Variants in RBMS3 observed in about 807,000 individuals in gnomAD.
The protein encoded by RBMS3 is RNA binding motif single stranded interacting protein 3.
Under a neutral mutation model 66.8 loss-of-function variants are expected in RBMS3, and 27 were observed. The observed-to-expected ratio is 0.40, with a 90% CI of 0.30 to 0.56. The LOEUF (loss-of-function observed/expected upper bound fraction) is 0.56. RBMS3 is among the 20% of genes least tolerant of loss of function. The probability of loss-of-function intolerance (pLI) is 0.40; values close to 1 mark genes in which losing one functional copy is unlikely to be tolerated. For synonymous variants in RBMS3, 188 were observed against 183.0 expected, an observed-to-expected ratio of 1.03 and a Z score of -0.22; for missense variants, 513 against 549.5, an observed-to-expected ratio of 0.93 and a Z score of 0.66.
chr3:29,483,265 C>T (rs1391380542), intron 2 of RBMS3, among the ~76,000 whole-genome samples: 1 of 143,314 alleles, frequency 7.0e-6, no homozygotes, highest in Non-Finnish European at 1.5e-5. Context: ...GCCGAGATCG[C>T]GTCACTGCAC....
intron 1 of RBMS3, among the ~76,000 whole-genome samples, chr3:29,371,568 TTTG>T (rs751854792): frequency 6.6e-6 from 1 of 152,180 alleles, no homozygotes; most frequent in Non-Finnish European, 1.5e-5. Flanking sequence ...AGTGATAGTG[TTTG>T]TTGTTTATAT....
chr3:29,365,542 C>T (rs993017518), intron 1 of RBMS3, among the ~76,000 whole-genome samples: 27 of 151,642 alleles, frequency 1.8e-4, no homozygotes, highest in African/African-American at 6.0e-4. Flanking sequence ...TTTCAAACTA[C>T]AATGAACATG....
intron 5 of RBMS3, among the ~76,000 whole-genome samples, chr3:29,751,834 G>C (rs1160956915): frequency 6.6e-6 from 1 of 152,198 alleles, no homozygotes; most frequent in South Asian, 2.1e-4. Context: ...ACGCAGGTGA[G>C]CTGGTGCAGG....
At chr3:29,380,787 A>C (rs913726210) in intron 1 of RBMS3, among the ~76,000 whole-genome samples, 2 of 152,216 alleles carry the variant, frequency 1.3e-5, no homozygotes, top group Non-Finnish European at 2.9e-5. Flanking sequence ...AACTGGAAGT[A>C]AATGTGTGAT....
At chr3:29,769,095 A>G (rs1357964327) in intron 6 of RBMS3, among the ~76,000 whole-genome samples, 1 of 151,924 alleles carries the variant, frequency 6.6e-6, no homozygotes, top group African/African-American at 2.4e-5. Context: ...AAGAGCAGAG[A>G]TTATAAATCC....
chr3:29,361,897 A>G (rs984698352), intron 1 of RBMS3, among the ~76,000 whole-genome samples: 3 of 152,196 alleles, frequency 2.0e-5, no homozygotes. Context: ...TTTCAGCTCC[A>G]TCAGGTCCTT....
rs188599144 is a variant in RBMS3, at chr3:29,502,501, C to T, written c.307+14002C>T. Among the ~76,000 whole-genome samples, 177 of 152,166 alleles carry T rather than the reference C, an allele frequency of 1.2e-3. 1 individual carries two copies. Among genetic ancestry groups the T allele is most frequent in the African/African-American group, 4.1e-3 (172 of 41,538 alleles). Reference sequence around the variant, plus strand: ...ATAAAGGCAGACAATTTGATAGAAACATGTAGTAGTTCTTATTCTCCCACT... The same window carrying T: ...ATAAAGGCAGACAATTTGATAGAAATATGTAGTAGTTCTTATTCTCCCACT... On this transcript the variant is annotated intron_variant, in intron 3 of 14. Coordinates refer to ENST00000383767, the MANE Select transcript of RBMS3 (RefSeq NM_001003793.3).
At chr3:29,534,004 A>G (rs563309639) in intron 3 of RBMS3, among the ~76,000 whole-genome samples, 6 of 152,318 alleles carry the variant, frequency 3.9e-5, no homozygotes, top group African/African-American at 1.4e-4. Flanking sequence ...GTTCATGGAA[A>G]TGTAAACACA....
intron 6 of RBMS3, among the ~76,000 whole-genome samples, chr3:29,793,468 T>C (rs1230268802): frequency 6.6e-6 from 1 of 152,208 alleles, no homozygotes; most frequent in Non-Finnish European, 1.5e-5. Context: ...TGTCACATTT[T>C]CTATTGCTAA....
intron 4 of RBMS3, among the ~76,000 whole-genome samples, chr3:29,615,744 C>T (rs1468726826): frequency 2.6e-5 from 4 of 152,022 alleles, no homozygotes; most frequent in Non-Finnish European, 4.4e-5. Flanking sequence ...TTTTGAATTC[C>T]ATTTCCTAAG....
At chr3:29,503,329 T>C (rs544213875) in intron 3 of RBMS3, among the ~76,000 whole-genome samples, 10 of 152,222 alleles carry the variant, frequency 6.6e-5, no homozygotes, top group Non-Finnish European at 1.5e-4. Context: ...CTCTAATTCT[T>C]ACCGAGATTT....
intron 4 of RBMS3, among the ~76,000 whole-genome samples, chr3:29,630,957 C>T (rs1389200907): frequency 6.6e-6 from 1 of 151,862 alleles, no homozygotes; most frequent in Non-Finnish European, 1.5e-5. Context: ...AAAACCATAA[C>T]TTCACTCTTA....
rs371967364 is a variant in RBMS3, at chr3:30,009,944, A to G, written c.*6082A>G. ...GAACTGTAAAAATTATTTCAAAAAG[A>G]TATTTGAAAAAGTTTTCTCTATTCT... On this transcript the variant is annotated 3_prime_UTR_variant, in exon 15 of 15. Transcript: ENST00000383767. The G allele has an allele frequency of 6.6e-6, 1 of 152,064 alleles. No individual in the cohort carries two copies. The highest frequency in any genetic ancestry group is 1.5e-5 in the Non-Finnish European group (1 of 68,006). The allele number at this position is 152,064 out of a possible 1,614,324, so 9.4% of individuals were successfully genotyped here. A position where few individuals can be genotyped will look rare whatever the true frequency, so the allele number is the denominator to read the frequency against.
At chr3:29,359,940 CTTCT>C (rs2037465092) in intron 1 of RBMS3, among the ~76,000 whole-genome samples, 1 of 151,962 alleles carries the variant, frequency 6.6e-6, no homozygotes, top group Non-Finnish European at 1.5e-5. Context: ...TCTCTCTTTT[CTTCT>C]TTATTAGTCT....
chr3:29,960,655 C>T (rs921354115), intron 12 of RBMS3, among the ~76,000 whole-genome samples: 1 of 152,162 alleles, frequency 6.6e-6, no homozygotes, highest in African/African-American at 2.4e-5. Flanking sequence ...TTCCATACAT[C>T]CTCTGAAATC....
chr3:29,760,465 A>G (rs905800142), intron 5 of RBMS3, among the ~76,000 whole-genome samples: 1 of 152,070 alleles, frequency 6.6e-6, no homozygotes, highest in Non-Finnish European at 1.5e-5. Flanking sequence ...TAAACTTTGC[A>G]TTTTGTAGCT....
chr3:29,912,002 G>T lies in RBMS3; in HGVS notation c.939+12247G>T, dbSNP rs146843040. ...TAATAGCTAGATAGATAGATAGATA[G>T]ATAAATAGATGATAGAATGGGTGGA... On this transcript the variant is annotated intron_variant, in intron 10 of 14. Transcript: ENST00000383767. Among the ~76,000 whole-genome samples the T allele has an allele frequency of 5.5e-4, 84 of 151,546 alleles. 1 individual carries two copies. Among genetic ancestry groups the T allele is most frequent in the African/African-American group, 2.0e-3 (83 of 41,010 alleles).
At chr3:29,448,645 A>C (rs1575842594) in intron 2 of RBMS3, among the ~76,000 whole-genome samples, 2 of 152,322 alleles carry the variant, frequency 1.3e-5, no homozygotes, top group East Asian at 3.9e-4. Context: ...TGTTAGAAGC[A>C]CTTACAGGTA....
At position 29,460,685 on chromosome 3, in the gene RBMS3, A is replaced by G. The variant is rs983019622; in HGVS notation, c.248+25770A>G. On this transcript the variant is annotated intron_variant, in intron 2 of 14. Coordinates refer to ENST00000383767, the MANE Select transcript of RBMS3 (RefSeq NM_001003793.3). Reference sequence around the variant, plus strand: ...TTAATGCTTAGTAAGTGTATTAGTAATGCTTAATTTCTTTTGTATTTTTAA... The same window carrying G: ...TTAATGCTTAGTAAGTGTATTAGTAGTGCTTAATTTCTTTTGTATTTTTAA... 2.6e-5 allele frequency among the ~76,000 whole-genome samples: 4 copies of G among 152,214 alleles called. No individual in the cohort carries two copies. The East Asian group carries it at 5.8e-4, about 22-fold the overall frequency.
Sources: allele counts gnomAD v4.1 joint callset (sites outside exome capture counted in the v4.1 genomes callset), GRCh38; gene constraint gnomAD v4.1.1; transcripts MANE v1.5; gene names NCBI Gene and HGNC (gene_info 2026-07-23, HGNC 2026-07-21).